Variants in PPFIA1 observed in about 807,000 individuals in gnomAD.
PPFIA1 encodes PPFI scaffold protein A1, also known as liprin-alpha-1.
Under a neutral mutation model 149.9 loss-of-function variants are expected in PPFIA1, and 25 were observed. The ratio of observed to expected loss-of-function variants is 0.17; its 90% confidence interval spans 0.12 to 0.23. The LOEUF (loss-of-function observed/expected upper bound fraction) is 0.23. Ranked by LOEUF, PPFIA1 falls within the 10% of genes least tolerant of loss-of-function variation. The probability of loss-of-function intolerance (pLI) is 1.00; values close to 1 mark genes in which losing one functional copy is unlikely to be tolerated. For missense variants in PPFIA1, 1,362 were observed against 1,506.5 expected (o/e 0.90, Z 1.59); for synonymous variants, 549 against 552.8 (o/e 0.99, Z 0.10).
At chr11:70,373,395 A>ATT (rs59817296) in intron 23 of PPFIA1, 4,212 of 143,850 alleles carry the variant, frequency 0.029, 249 homozygotes, top group African/African-American at 0.1. Context: ...CATGCCTGGA[A>ATT]TTTTTTTTTT....
chr11:70,332,082 A>G lies in PPFIA1; in HGVS notation c.1200A>G (p.Ala400=). The change falls in exon 9 of 28, where the codon GCA becomes GCG. Residue 400 remains alanine (A), a synonymous_variant. Transcript: ENST00000253925. ...EVEAELAQRV[A]ALSKAEERHG... ...AGGCGGAGCTGGCCCAGAGGGTGGC[A>G]GCGCTTTCCAAGGTAGTGCCATGAG... 2 of 1,606,648 alleles carry G rather than the reference A, an allele frequency of 1.2e-6. No homozygotes were observed. Among genetic ancestry groups the G allele is most frequent in the Non-Finnish European group, 1.7e-6 (2 of 1,177,262 alleles).
intron 21 of PPFIA1, 168 bp downstream of exon 21, chr11:70,362,656 G>A: frequency 1.8e-6 from 1 of 553,336 alleles, no homozygotes; most frequent in Non-Finnish European, 2.8e-6. Context: ...TTGGGGAATT[G>A]GATGGTCAAA....
chr11:70,359,706 T>G (rs2056537531), intron 19 of PPFIA1, among the ~76,000 whole-genome samples: 1 of 152,258 alleles, frequency 6.6e-6, no homozygotes, highest in African/African-American at 2.4e-5. Flanking sequence ...AAGACAACTT[T>G]ACCGTTATGC....
chr11:70,306,227 T>G (rs1200487582), intron 2 of PPFIA1, among the ~76,000 whole-genome samples: 1 of 152,204 alleles, frequency 6.6e-6, no homozygotes, highest in Non-Finnish European at 1.5e-5. Flanking sequence ...TTTAATTTTT[T>G]TTTTTGTTAA....
intron 21 of PPFIA1, among the ~76,000 whole-genome samples, chr11:70,368,517 G>A (rs756874845): frequency 2.4e-4 from 37 of 152,108 alleles, no homozygotes; most frequent in Non-Finnish European, 4.4e-4. Flanking sequence ...GGTACCTCGG[G>A]TACCTTCCTT....
At chr11:70,287,398 A>G (rs573024975) in intron 2 of PPFIA1, among the ~76,000 whole-genome samples, 14 of 152,200 alleles carry the variant, frequency 9.2e-5, no homozygotes, top group Admixed American at 8.5e-4. Context: ...GCTACAACCA[A>G]GTAATTTGGT....
intron 2 of PPFIA1, among the ~76,000 whole-genome samples, chr11:70,320,604 A>AT (rs1371243394): frequency 6.6e-6 from 1 of 151,584 alleles, no homozygotes; most frequent in Middle Eastern, 3.2e-3. Flanking sequence ...TGCCCGGCTA[A>AT]TTTTTTATGT....
chr11:70,333,389 C>G (rs2054786835), intron 9 of PPFIA1, 81 bp from the exon 10 acceptor site: 6 of 1,071,938 alleles, frequency 5.6e-6, no homozygotes, highest in African/African-American at 3.1e-5. Context: ...GCATGTTGTG[C>G]CTGTTGCCAC....
chr11:70,286,957 A>ACTATG (rs1430562662), intron 2 of PPFIA1, among the ~76,000 whole-genome samples: 1 of 141,722 alleles, frequency 7.1e-6, no homozygotes, highest in African/African-American at 2.8e-5. Flanking sequence ...CATATACTAT[A>ACTATG]TATATACATA....
chr11:70,325,608 G>T (rs1444439143), intron 5 of PPFIA1, 34 bp downstream of exon 5: 2 of 1,445,920 alleles, frequency 1.4e-6, no homozygotes, highest in Non-Finnish European at 9.7e-7. Context: ...GTTGAATTGG[G>T]GGGGGGTTAT....
At chr11:70,349,672 ACTAGT>A (rs2055932655) in intron 16 of PPFIA1, among the ~76,000 whole-genome samples, 1 of 152,200 alleles carries the variant, frequency 6.6e-6, no homozygotes, top group Non-Finnish European at 1.5e-5. Context: ...TGAGGTGGTA[ACTAGT>A]CTATTTTGCA....
intron 26 of PPFIA1, 40 bp from the exon 27 acceptor site, chr11:70,382,048 C>T (rs760135008): frequency 1.1e-5 from 18 of 1,592,110 alleles, no homozygotes; most frequent in Admixed American, 8.4e-5. Context: ...ACTAACTGCA[C>T]GCTGTGTTTG....
intron 2 of PPFIA1, among the ~76,000 whole-genome samples, chr11:70,305,534 G>A (rs2052791497): frequency 6.6e-6 from 1 of 152,092 alleles, no homozygotes; most frequent in Non-Finnish European, 1.5e-5. Flanking sequence ...ACCACGCCTG[G>A]CTATTTTTTT....
Position 70,372,354 on chromosome 11 carries a change from T to A in PPFIA1, c.3005T>A (p.Leu1002His). Residue 1002 changes from leucine to histidine, a missense_variant, in exon 22 of 28, where the codon CTT (leucine) becomes CAT (histidine). Leu to His is a moderately conservative substitution (Grantham distance 99). Coordinates refer to ENST00000253925, the MANE Select transcript of PPFIA1 (RefSeq NM_003626.5). ...CTGGACCACTTGACCAAGAAAGACC[T>A]TCGAGGGCAGCTGAAAATGGTCGAC... ...RMLDHLTKKD[L>H]RGQLKMVDSF... 3 of 1,614,172 alleles carry A rather than the reference T, an allele frequency of 1.9e-6. No individual in the cohort carries two copies. The highest frequency in any genetic ancestry group is 2.5e-6 in the Non-Finnish European group (3 of 1,180,026).
intron 2 of PPFIA1, among the ~76,000 whole-genome samples, chr11:70,281,244 T>G (rs1238423515): frequency 6.6e-6 from 1 of 152,116 alleles, no homozygotes; most frequent in African/African-American, 2.4e-5. Flanking sequence ...CTTCAGAAAG[T>G]TTCCCTCTGT....
At chr11:70,356,121 A>G (rs748118138) in intron 18 of PPFIA1, 40 bp from the exon 19 acceptor site, 2 of 1,457,226 alleles carry the variant, frequency 1.4e-6, no homozygotes, top group East Asian at 2.3e-5. Flanking sequence ...GAGCTTTGTC[A>G]TGCTGATTTT....
Position 70,339,280 on chromosome 11 carries a change from G to C in PPFIA1, c.1681G>C (p.Ala561Pro). Residue 561 changes from alanine to proline, a missense_variant, in exon 14 of 28, where the codon GCA (alanine) becomes CCA (proline). Physicochemically the swap from Ala to Pro is conservative, Grantham distance 27. Around this residue, in one of 7 missense-constraint regions of PPFIA1, gnomAD observed 733 missense variants for 744.1 expected, o/e 0.99. Transcript: ENST00000253925. ...GCGGCGCCCACAGAAAGGCCGGCTGGCAGCCCTGCGAGATGAGCCTTCCAA... is the reference window on the plus strand; with the variant it reads ...GCGGCGCCCACAGAAAGGCCGGCTGCCAGCCCTGCGAGATGAGCCTTCCAA... ...VLRRPQKGRL[A>P]ALRDEPSKVQ... 6.2e-7 allele frequency: 1 copy of C among 1,613,994 alleles called. No homozygotes were observed. Among genetic ancestry groups the C allele is most frequent in the Non-Finnish European group, 8.5e-7 (1 of 1,179,850 alleles).
intron 2 of PPFIA1, among the ~76,000 whole-genome samples, chr11:70,300,476 TCTC>T (rs2052411247): frequency 6.6e-6 from 1 of 151,868 alleles, no homozygotes; most frequent in African/African-American, 2.4e-5. Context: ...TTCAAGCACT[TCTC>T]CTGCCTCAGC....
intron 2 of PPFIA1, among the ~76,000 whole-genome samples, chr11:70,315,680 T>A: frequency 2.1e-5 from 1 of 48,722 alleles, no homozygotes; most frequent in Admixed American, 2.3e-4. Context: ...TTTTTTCTGT[T>A]TTTTTTTTTT....
Sources: allele counts gnomAD v4.1 joint callset (sites outside exome capture counted in the v4.1 genomes callset), GRCh38; gene constraint gnomAD v4.1.1; regional missense constraint gnomAD v4.1.1; transcripts MANE v1.5; gene names NCBI Gene and HGNC (gene_info 2026-07-23, HGNC 2026-07-21).